Variants in RAPGEF2 observed in about 807,000 individuals in gnomAD.
The protein encoded by RAPGEF2 is PDZ domain containing guanine nucleotide exchange factor (GEF) 1.
RAPGEF2 carries 54 observed loss-of-function variants against 186.7 expected under a neutral mutation model. The ratio of observed to expected loss-of-function variants is 0.29; its 90% CI spans 0.23 to 0.36. The LOEUF is 0.36. Among genes scored for constraint, RAPGEF2 ranks in the 10% least tolerant of loss-of-function variants. The pLI is 1.00. For missense variants in RAPGEF2, 1,532 were observed against 2,045.0 expected (o/e 0.75, Z 4.84); for synonymous variants, 712 against 705.9 (o/e 1.01, Z -0.14).
In RAPGEF2 at chr4:159,345,394, G is replaced by A. The variant is rs1384315586; in HGVS notation, c.3502+65G>A. The stretch of plus-strand genomic sequence containing the variant: ...ATGCAGATTTGTTTCCTGTGCAGTG[G>A]TATGGGCAGTGACAAAATAAGGCTT... On this transcript the variant is annotated intron_variant, in intron 24 of 29. Transcript: ENST00000691494. 1.5e-5 allele frequency: 22 copies of A among 1,460,276 alleles called. No homozygotes were observed. In the Middle Eastern group the frequency reaches 1.2e-3, roughly 81 times the overall value. 90.5% of individuals were successfully genotyped at this position (1,460,276 alleles called of 1,614,324 possible).
chr4:159,243,279 T>G (rs1234487009), intron 6 of RAPGEF2, among the ~76,000 whole-genome samples: 2 of 151,926 alleles, frequency 1.3e-5, no homozygotes, highest in Admixed American at 1.3e-4. Context: ...GAGTTAAGAT[T>G]GGCAACAACA....
intron 1 of RAPGEF2, among the ~76,000 whole-genome samples, chr4:159,124,124 G>T (rs1740024957): frequency 6.6e-6 from 1 of 152,118 alleles, no homozygotes; most frequent in Non-Finnish European, 1.5e-5. Context: ...CAAAGTGCTG[G>T]GATTACGGGC....
intron 1 of RAPGEF2, among the ~76,000 whole-genome samples, chr4:159,150,191 T>C (rs928949634): frequency 6.7e-6 from 1 of 150,176 alleles, no homozygotes; most frequent in African/African-American, 2.5e-5. Flanking sequence ...GTGGTAGTTA[T>C]ATACTATAAA....
At chr4:159,105,355 CCTT>C (rs1404328311) in intron 1 of RAPGEF2, among the ~76,000 whole-genome samples, 1 of 152,166 alleles carries the variant, frequency 6.6e-6, no homozygotes, top group Admixed American at 6.5e-5. Context: ...CAAATGCTCT[CCTT>C]CTCTGATGTT....
At chr4:159,176,901 A>G (rs988938724) in intron 1 of RAPGEF2, among the ~76,000 whole-genome samples, 1 of 152,198 alleles carries the variant, frequency 6.6e-6, no homozygotes, top group Non-Finnish European at 1.5e-5. Flanking sequence ...GAGCTATGGA[A>G]GGTAAACTTA....
At position 159,104,100 on chromosome 4, in the gene RAPGEF2, G is replaced by A. The variant is rs531339334; in HGVS notation, c.-63G>A. The stretch of plus-strand genomic sequence containing the variant: ...AGCGCGCAGGGCGGAGGCAGCAGCG[G>A]CGCTGGGCCGGGAGGAGGCCGGCCA... On this transcript the variant is annotated 5_prime_UTR_variant, in exon 1 of 30. Transcript: ENST00000691494. 2.0e-5 allele frequency: 23 copies of A among 1,175,780 alleles called. No homozygotes were observed. The South Asian group carries it at 3.5e-4, about 18-fold the overall frequency. The allele number at this position is 1,175,780 out of a possible 1,614,324, so 72.8% of individuals were successfully genotyped here.
chr4:159,305,588 G>A (rs2111059107), intron 8 of RAPGEF2, among the ~76,000 whole-genome samples: 1 of 152,182 alleles, frequency 6.6e-6, no homozygotes, highest in Non-Finnish European at 1.5e-5. Context: ...TCCCCAGTAG[G>A]ATGCATAGTT....
intron 1 of RAPGEF2, among the ~76,000 whole-genome samples, chr4:159,147,658 T>A (rs1743089268): frequency 6.6e-6 from 1 of 152,240 alleles, no homozygotes; most frequent in African/African-American, 2.4e-5. Context: ...GAAAGCTGAT[T>A]ACAAAACAGA....
chr4:159,296,040 A>G (rs757247488), intron 7 of RAPGEF2, among the ~76,000 whole-genome samples: 4 of 147,308 alleles, frequency 2.7e-5, no homozygotes, highest in African/African-American at 8.2e-5. Flanking sequence ...AAGAAGTTTT[A>G]CATAGATTTA....
chr4:159,189,238 TG>T (rs1322956701), intron 2 of RAPGEF2, among the ~76,000 whole-genome samples: 1 of 152,226 alleles, frequency 6.6e-6, no homozygotes, highest in Non-Finnish European at 1.5e-5. Flanking sequence ...GCAACATTCG[TG>T]TTCTCCTGTG....
intron 1 of RAPGEF2, among the ~76,000 whole-genome samples, chr4:159,176,278 C>T (rs910194039): frequency 6.6e-6 from 1 of 152,138 alleles, no homozygotes; most frequent in Non-Finnish European, 1.5e-5. Flanking sequence ...GTGTGCTTGA[C>T]ACAGTGTTAG....
chr4:159,330,085 T>C (rs1766439949), intron 12 of RAPGEF2, 75 bp downstream of exon 12: 1 of 1,498,070 alleles, frequency 6.7e-7, no homozygotes, highest in South Asian at 1.3e-5. Context: ...TTTAGGATTT[T>C]TTTTCATTTT....
At chr4:159,165,541 A>T (rs1008231538) in intron 1 of RAPGEF2, among the ~76,000 whole-genome samples, 1 of 152,250 alleles carries the variant, frequency 6.6e-6, no homozygotes, top group Admixed American at 6.5e-5. Context: ...TGAATAATTC[A>T]TATCAGGTTG....
chr4:159,265,564 A>G (rs928253780), intron 7 of RAPGEF2, among the ~76,000 whole-genome samples: 1 of 152,176 alleles, frequency 6.6e-6, no homozygotes, highest in African/African-American at 2.4e-5. Flanking sequence ...AAAATGTATA[A>G]ATCTTGCAGA....
chr4:159,347,587 A>G (rs1730505900), intron 25 of RAPGEF2, among the ~76,000 whole-genome samples: 1 of 152,072 alleles, frequency 6.6e-6, no homozygotes, highest in Admixed American at 6.5e-5. Context: ...GATCCAGACC[A>G]TCCTGGCTAA....
intron 17 of RAPGEF2, among the ~76,000 whole-genome samples, chr4:159,333,898 A>G (rs1767035178): frequency 6.6e-6 from 1 of 152,232 alleles, no homozygotes; most frequent in South Asian, 2.1e-4. Context: ...TTTTAAAAAA[A>G]TTCCGTTTCA....
intron 3 of RAPGEF2, among the ~76,000 whole-genome samples, chr4:159,197,696 G>C (rs577951571): frequency 6.6e-6 from 1 of 152,324 alleles, no homozygotes; most frequent in East Asian, 1.9e-4. Flanking sequence ...GCTTTTAGCA[G>C]TCTTTGCAGT....
chr4:159,207,485 T>TTAC (rs1450290509), intron 3 of RAPGEF2, among the ~76,000 whole-genome samples: 1 of 152,234 alleles, frequency 6.6e-6, no homozygotes, highest in Non-Finnish European at 1.5e-5. Flanking sequence ...CTAATGTTTG[T>TTAC]TATTTCTCTC....
chr4:159,203,343 A>T (rs1749642994), intron 3 of RAPGEF2, among the ~76,000 whole-genome samples: 1 of 152,190 alleles, frequency 6.6e-6, no homozygotes, highest in Admixed American at 6.5e-5. Context: ...GTGCCAATCA[A>T]GCATTATGTA....
Sources: gnomAD v4.1 joint callset for allele counts (sites outside exome capture counted in the v4.1 genomes callset) on GRCh38, gnomAD v4.1.1 for gene constraint, MANE v1.5 for transcripts, NCBI Gene and HGNC (gene_info 2026-07-23, HGNC 2026-07-21) for gene names.